The following GPR39 variants were observed in gnomAD, a reference collection of about 807,000 sequenced individuals.
GPR39 encodes zinc sensing receptor.
A neutral mutation model predicts 18.4 loss-of-function variants in GPR39; 23 were observed. That is an observed-to-expected ratio of 1.25 (90% CI 0.90 to 1.77). GPR39 has a LOEUF of 1.77. GPR39 is among the 40% of genes most tolerant of loss of function. The pLI is 0.00. For synonymous variants in GPR39, 280 were observed against 257.9 expected (o/e 1.09, Z -0.82); for missense variants, 647 against 602.4 (o/e 1.07, Z -0.78).
chr2:132,602,043 A>T (rs1416260512), intron 1 of GPR39, among the ~76,000 whole-genome samples: 1 of 149,234 alleles, frequency 6.7e-6, no homozygotes. Flanking sequence ...AAAAAAAAAA[A>T]CCTTAAATTA....
At chr2:132,518,506 C>T (rs751003288) in intron 1 of GPR39, among the ~76,000 whole-genome samples, 6 of 152,072 alleles carry the variant, frequency 3.9e-5, no homozygotes, top group Middle Eastern at 3.2e-3. Flanking sequence ...TTGTCTCATC[C>T]GCCCCGTTCA....
chr2:132,480,125 A>G (rs1297139406), intron 1 of GPR39, among the ~76,000 whole-genome samples: 1 of 152,224 alleles, frequency 6.6e-6, no homozygotes, highest in Non-Finnish European at 1.5e-5. Flanking sequence ...GATGAACCTT[A>G]AAGGCATTAT....
At chr2:132,440,614 A>G (rs573884946) in intron 1 of GPR39, among the ~76,000 whole-genome samples, 2 of 152,274 alleles carry the variant, frequency 1.3e-5, no homozygotes, top group East Asian at 3.9e-4. Context: ...TGGAAATGGA[A>G]AGGGATCCAC....
chr2:132,448,125 G>A (rs1211277673), intron 1 of GPR39, among the ~76,000 whole-genome samples: 3 of 152,130 alleles, frequency 2.0e-5, no homozygotes, highest in East Asian at 1.9e-4. Context: ...GAATTTTAGG[G>A]AATAAACTGC....
intron 1 of GPR39, among the ~76,000 whole-genome samples, chr2:132,511,542 G>A (rs1017982901): frequency 7.9e-5 from 12 of 152,110 alleles, no homozygotes; most frequent in African/African-American, 2.9e-4. Flanking sequence ...GTGTGAGTAG[G>A]GTTCACAAAT....
chr2:132,616,095 C>A (rs771116919), intron 1 of GPR39, among the ~76,000 whole-genome samples: 29 of 152,104 alleles, frequency 1.9e-4, no homozygotes, highest in Non-Finnish European at 3.4e-4. Flanking sequence ...GTTTTATTAG[C>A]CTGTAACAAA....
At position 132,611,438 on chromosome 2, in the gene GPR39, T is replaced by C. The variant is rs114822115; in HGVS notation, c.857-33663T>C. On this transcript the variant is annotated intron_variant, in intron 1 of 1. Coordinates refer to ENST00000329321, the MANE Select transcript of GPR39 (RefSeq NM_001508.3). ...TCTATCACCTGATTCCGTTTTTGTT[T>C]TCAAGTGACAGAGCAAGTGCAAATT... is the stretch of plus-strand genomic sequence containing the variant. Among the ~76,000 whole-genome samples the C allele has an allele frequency of 4.0e-3, 608 of 152,318 alleles. 2 individuals are homozygous for C. The highest frequency in any genetic ancestry group is 0.013 in the African/African-American group (540 of 41,574).
intron 1 of GPR39, among the ~76,000 whole-genome samples, chr2:132,612,190 C>A (rs1293614394): frequency 6.6e-6 from 1 of 152,146 alleles, no homozygotes; most frequent in Non-Finnish European, 1.5e-5. Flanking sequence ...CTTGCTCAGC[C>A]TTCCTTCCTT....
At chr2:132,444,298 ATT>A in intron 1 of GPR39, among the ~76,000 whole-genome samples, 1 of 148,880 alleles carries the variant, frequency 6.7e-6, no homozygotes, top group African/African-American at 2.4e-5. Context: ...CATTATGGGA[ATT>A]TTTTTTTTTA....
intron 1 of GPR39, among the ~76,000 whole-genome samples, chr2:132,605,785 A>G (rs1427952045): frequency 6.6e-6 from 1 of 152,188 alleles, no homozygotes; most frequent in Non-Finnish European, 1.5e-5. Flanking sequence ...AGCTGCACAC[A>G]TTTAAATAAG....
At chr2:132,622,005 C>T (rs1681450170) in intron 1 of GPR39, among the ~76,000 whole-genome samples, 1 of 152,204 alleles carries the variant, frequency 6.6e-6, no homozygotes, top group African/African-American at 2.4e-5. Flanking sequence ...CCTAACTCTG[C>T]TCATGCTCTC....
At chr2:132,499,037 T>C (rs61260852) in intron 1 of GPR39, among the ~76,000 whole-genome samples, 14,524 of 152,298 alleles carry the variant, frequency 0.095, 841 homozygotes, top group East Asian at 0.18. Flanking sequence ...TTATTTCTTT[T>C]GCTGAGCAGA....
At chr2:132,558,787 C>G (rs1197148690) in intron 1 of GPR39, among the ~76,000 whole-genome samples, 1 of 152,130 alleles carries the variant, frequency 6.6e-6, no homozygotes, top group Non-Finnish European at 1.5e-5. Context: ...GAAAGGACGA[C>G]TCCTAAGACA....
chr2:132,626,637 T>A (rs545863284), intron 1 of GPR39, among the ~76,000 whole-genome samples: 1 of 152,338 alleles, frequency 6.6e-6, no homozygotes, highest in East Asian at 1.9e-4. Context: ...TCCTTTGTGA[T>A]GTGAGTGGTA....
At chr2:132,570,788 C>T (rs958164801) in intron 1 of GPR39, among the ~76,000 whole-genome samples, 2 of 152,138 alleles carry the variant, frequency 1.3e-5, no homozygotes, top group Non-Finnish European at 2.9e-5. Context: ...CCAGAATCTC[C>T]CTGAGGCAGC....
At chr2:132,575,090 T>A (rs965348650) in intron 1 of GPR39, among the ~76,000 whole-genome samples, 1 of 149,168 alleles carries the variant, frequency 6.7e-6, no homozygotes, top group Non-Finnish European at 1.5e-5. Context: ...ATCTTCAACT[T>A]TCTTTTTCTA....
rs372562216 is a variant in GPR39 at position 132,425,500 on chromosome 2, T to C, written c.856+7602T>C. 1.4e-4 allele frequency among the ~76,000 whole-genome samples: 21 copies of C among 152,322 alleles called. 1 individual carries two copies. The South Asian group carries it at 4.1e-3, about 30-fold the overall frequency. ...TCTCTTGGCTCTACCTTCCTTTCCT[T>C]CTTTCCCTGTGCTAGGCAGAATTCT... On this transcript the variant is annotated intron_variant, in intron 1 of 1. Coordinates refer to ENST00000329321, the MANE Select transcript of GPR39 (RefSeq NM_001508.3).
intron 1 of GPR39, among the ~76,000 whole-genome samples, chr2:132,423,850 T>A (rs1343894967): frequency 6.6e-6 from 1 of 152,238 alleles, no homozygotes; most frequent in Non-Finnish European, 1.5e-5. Flanking sequence ...TCCAGCATAG[T>A]GTCTAGACAT....
chr2:132,609,953 G>A (rs1184405728), intron 1 of GPR39, among the ~76,000 whole-genome samples: 1 of 151,924 alleles, frequency 6.6e-6, no homozygotes, highest in Non-Finnish European at 1.5e-5. Context: ...TCCTAGTTCT[G>A]CAAAGCCTTC....
Sources: gnomAD v4.1 joint callset for allele counts (sites outside exome capture counted in the v4.1 genomes callset) on GRCh38, gnomAD v4.1.1 for gene constraint, MANE v1.5 for transcripts, NCBI Gene and HGNC (gene_info 2026-07-23, HGNC 2026-07-21) for gene names.